The following QKI variants were observed in gnomAD, a reference collection of about 807,000 sequenced individuals.
The protein encoded by QKI is KH domain-containing RNA-binding protein QKI.
A neutral mutation model predicts 39.0 loss-of-function variants in QKI; 10 were observed. The ratio of observed to expected loss-of-function variants is 0.26; its 90% confidence interval spans 0.16 to 0.43. The LOEUF is 0.43. QKI is among the 20% of genes least tolerant of loss of function. The probability of loss-of-function intolerance (pLI) is 1.00; values close to 1 mark genes in which losing one functional copy is unlikely to be tolerated. For missense variants in QKI, 218 were observed against 428.0 expected, an observed-to-expected ratio of 0.51 and a Z score of 4.33; for synonymous variants, 204 against 155.4, an observed-to-expected ratio of 1.31 and a Z score of -2.33.
intron 4 of QKI, among the ~76,000 whole-genome samples, chr6:163,555,412 C>T (rs1782522354): frequency 1.3e-5 from 2 of 148,928 alleles, no homozygotes; most frequent in Admixed American, 1.4e-4. Context: ...GAAAAGCCTG[C>T]ACTCAGGAGA....
intron 2 of QKI, among the ~76,000 whole-genome samples, chr6:163,470,049 A>AT (rs1258375749): frequency 6.6e-6 from 1 of 152,208 alleles, no homozygotes; most frequent in Non-Finnish European, 1.5e-5. Flanking sequence ...ATAACTGAAC[A>AT]CATCAGAGAT....
chr6:163,570,894 C>A lies in QKI; in HGVS notation c.*184C>A. 2.1e-6 allele frequency: 1 copy of A among 483,860 alleles called. No homozygotes were observed. The highest frequency in any genetic ancestry group is 3.3e-6 in the Non-Finnish European group (1 of 300,378). The allele number at this position is 483,860 out of a possible 1,614,324, so 30.0% of individuals were successfully genotyped here. ...AAGAAATTGTTGTCCTCCAACTCAGCTTTTTTTTTTTTTTTTTCCTGTTTG... is the reference window on the plus strand; with the variant it reads ...AAGAAATTGTTGTCCTCCAACTCAGATTTTTTTTTTTTTTTTTCCTGTTTG... On this transcript the variant is annotated 3_prime_UTR_variant, in exon 8 of 8. Transcript: ENST00000361752.
chr6:163,531,994 A>G (rs1311488528), intron 3 of QKI, among the ~76,000 whole-genome samples: 1 of 152,208 alleles, frequency 6.6e-6, no homozygotes, highest in Non-Finnish European at 1.5e-5. Context: ...TATATTTTTA[A>G]CTATCATTTA....
rs1777629811 is a variant in QKI, at chr6:163,577,189, A to G, written c.*6479A>G. ...AAGTTTTCCAGTCTTTCTTATTTAT[A>G]TCATCTCCAAGTACCTCTGGCTCCT... is the stretch of plus-strand genomic sequence containing the variant. On this transcript the variant is annotated 3_prime_UTR_variant, in exon 8 of 8. Coordinates refer to ENST00000361752, the MANE Select transcript of QKI (RefSeq NM_006775.3). The G allele has an allele frequency of 6.6e-6, 1 of 152,114 alleles. No individual in the cohort carries two copies. Among genetic ancestry groups the G allele is most frequent in the Admixed American group, 6.6e-5 (1 of 15,256 alleles). The allele number at this position is 152,114 out of a possible 1,614,324, so 9.4% of individuals were successfully genotyped here.
chr6:163,520,322 T>C (rs1293790507), intron 3 of QKI, among the ~76,000 whole-genome samples: 2 of 152,164 alleles, frequency 1.3e-5, no homozygotes, highest in East Asian at 1.9e-4. Flanking sequence ...AACTCATCAT[T>C]ATAACACTGG....
intron 4 of QKI, among the ~76,000 whole-genome samples, chr6:163,553,566 G>T (rs915091722): frequency 6.6e-6 from 1 of 151,822 alleles, no homozygotes; most frequent in African/African-American, 2.4e-5. Flanking sequence ...AATTGATGTG[G>T]CTCTACTAAT....
intron 2 of QKI, among the ~76,000 whole-genome samples, chr6:163,471,032 T>A (rs930870545): frequency 2.0e-5 from 3 of 152,176 alleles, no homozygotes; most frequent in Non-Finnish European, 2.9e-5. Flanking sequence ...AAATTGTGGT[T>A]TTCTTTATAT....
At chr6:163,480,962 C>T (rs1583064768) in intron 3 of QKI, among the ~76,000 whole-genome samples, 1 of 152,116 alleles carries the variant, frequency 6.6e-6, no homozygotes, top group Non-Finnish European at 1.5e-5. Context: ...CCCCACTCAA[C>T]CTTGCTTACT....
chr6:163,459,387 A>G (rs1484431698), intron 2 of QKI, among the ~76,000 whole-genome samples: 1 of 152,104 alleles, frequency 6.6e-6, no homozygotes, highest in Admixed American at 6.6e-5. Flanking sequence ...TAGTGGGTGG[A>G]GTCCAGGGAT....
At chr6:163,521,976 G>A (rs1209220652) in intron 3 of QKI, among the ~76,000 whole-genome samples, 1 of 152,050 alleles carries the variant, frequency 6.6e-6, no homozygotes, top group Non-Finnish European at 1.5e-5. Context: ...GGAATTAAGG[G>A]GAATCCCTGT....
At chr6:163,450,692 G>A (rs377403931) in intron 1 of QKI, among the ~76,000 whole-genome samples, 1 of 151,956 alleles carries the variant, frequency 6.6e-6, no homozygotes, top group East Asian at 1.9e-4. Flanking sequence ...AGTAGTAACA[G>A]GTTTTCAGGC....
At chr6:163,509,064 G>C (rs149031449) in intron 3 of QKI, among the ~76,000 whole-genome samples, 2 of 151,992 alleles carry the variant, frequency 1.3e-5, no homozygotes, top group African/African-American at 4.8e-5. Context: ...ACTTGAATCC[G>C]GGAGGCGGAG....
At chr6:163,523,100 G>A (rs953011701) in intron 3 of QKI, among the ~76,000 whole-genome samples, 1 of 152,114 alleles carries the variant, frequency 6.6e-6, no homozygotes, top group African/African-American at 2.4e-5. Flanking sequence ...AAGGCAGACT[G>A]TATGTGGATC....
At chr6:163,470,114 A>T (rs1792072943) in intron 2 of QKI, among the ~76,000 whole-genome samples, 1 of 152,174 alleles carries the variant, frequency 6.6e-6, no homozygotes, top group Admixed American at 6.6e-5. Context: ...AGGAGGTGAG[A>T]TGATCAAGGA....
At chr6:163,455,135 A>G (rs1790828457) in intron 1 of QKI, 144 bp from the exon 2 acceptor site, 4 of 578,780 alleles carry the variant, frequency 6.9e-6, no homozygotes, top group African/African-American at 5.7e-5. Flanking sequence ...GGCTTAATCC[A>G]GAGAATGATA....
chr6:163,521,619 T>C (rs1031743016), intron 3 of QKI, among the ~76,000 whole-genome samples: 1 of 151,974 alleles, frequency 6.6e-6, no homozygotes, highest in African/African-American at 2.4e-5. Flanking sequence ...GCCTCCTGGG[T>C]TCAAGCGATT....
intron 3 of QKI, among the ~76,000 whole-genome samples, chr6:163,512,366 A>G (rs1261473795): frequency 2.6e-5 from 4 of 151,906 alleles, no homozygotes; most frequent in African/African-American, 4.8e-5. Flanking sequence ...AATAAAAGGC[A>G]TACAGAATGG....
intron 3 of QKI, among the ~76,000 whole-genome samples, chr6:163,479,459 C>G (rs1352643359): frequency 6.6e-6 from 1 of 152,140 alleles, no homozygotes; most frequent in Non-Finnish European, 1.5e-5. Context: ...GCAGCCTCCG[C>G]TTTCTGCATT....
At chr6:163,567,508 G>C in intron 7 of QKI, 1 of 984,270 alleles carries the variant, frequency 1.0e-6, no homozygotes, top group Non-Finnish European at 1.2e-6. Context: ...GGTGGTATGA[G>C]ATCCAGCTGT....
Sources: gnomAD v4.1 joint callset for allele counts (sites outside exome capture counted in the v4.1 genomes callset) on GRCh38, gnomAD v4.1.1 for gene constraint, MANE v1.5 for transcripts, NCBI Gene and HGNC (gene_info 2026-07-23, HGNC 2026-07-21) for gene names.